The following SEMA3D variants were observed in gnomAD, a reference collection of about 807,000 sequenced individuals.
SEMA3D encodes the protein semaphorin-3D.
A neutral mutation model predicts 100.1 loss-of-function variants in SEMA3D; 84 were observed. That is an observed-to-expected ratio of 0.84 (90% CI 0.70 to 1.01). The LOEUF is 1.01. Ranked by LOEUF, SEMA3D falls within the 50% of genes least tolerant of loss-of-function variation. SEMA3D has a pLI of 0.00. For synonymous variants in SEMA3D, 312 were observed against 320.7 expected, an observed-to-expected ratio of 0.97 and a Z score of 0.29; for missense variants, 875 against 934.1, an observed-to-expected ratio of 0.94 and a Z score of 0.82.
intron 1 of SEMA3D, among the ~76,000 whole-genome samples, chr7:85,175,286 C>T (rs1276274437): frequency 6.6e-6 from 1 of 152,082 alleles, no homozygotes; most frequent in East Asian, 1.9e-4. Context: ...ACAAAAGAAG[C>T]CTTCTAAACA....
At chr7:85,227,295 A>G in the SEMA3D span, among the ~76,000 whole-genome samples, 1 of 152,146 alleles carries the variant, frequency 6.6e-6, no homozygotes, top group African/African-American at 2.4e-5. Flanking sequence ...CAAAATTTCT[A>G]TGTGGAAAGG....
chr7:85,236,376 C>T, the SEMA3D span, among the ~76,000 whole-genome samples: 7 of 151,092 alleles, frequency 4.6e-5, no homozygotes, highest in Admixed American at 2.0e-4. Flanking sequence ...GGCATGATCT[C>T]GGCTCACTGC....
intron 3 of SEMA3D, among the ~76,000 whole-genome samples, chr7:85,106,149 G>A (rs946851951): frequency 1.1e-4 from 16 of 151,914 alleles, no homozygotes; most frequent in Admixed American, 5.9e-4. Flanking sequence ...GCAATGTCAC[G>A]ATGGAATAAA....
In SEMA3D at chr7:85,121,853, G is replaced by T. The variant is rs753698972; in HGVS notation, c.39C>A (p.Ser13Arg). The T allele has an allele frequency of 2.0e-5, 32 of 1,600,780 alleles. No individual in the cohort carries two copies. The East Asian group carries it at 5.8e-4, about 29-fold the overall frequency. Residue 13 changes from serine (S) to arginine (R), a missense_variant, in exon 3 of 19, where the codon AGC (serine) becomes AGA (arginine). Physicochemically the swap from Ser to Arg is moderately radical, Grantham distance 110. Transcript: ENST00000284136. The part of the protein sequence containing the change: ...ANKDERLKAR[S>R]QDFHLFPALM... ...AAGCAGGAAAAAGGTGAAAATCTTGGCTTCTGGCTTTAAGTCTTTCATCTT... is the reference window on the plus strand; with the variant it reads ...AAGCAGGAAAAAGGTGAAAATCTTGTCTTCTGGCTTTAAGTCTTTCATCTT...
intron 12 of SEMA3D, among the ~76,000 whole-genome samples, chr7:85,033,635 C>T (rs990962946): frequency 1.1e-4 from 17 of 151,980 alleles, no homozygotes; most frequent in African/African-American, 4.1e-4. Flanking sequence ...TCTCAGCTTC[C>T]AATTCATTCT....
At chr7:85,066,913 C>CAGAGAGAGAGAGAGAG (rs201123647) in intron 7 of SEMA3D, among the ~76,000 whole-genome samples, 13 of 127,792 alleles carry the variant, frequency 1.0e-4, no homozygotes, top group East Asian at 7.1e-4. Flanking sequence ...CACACACACA[C>CAGAGAGAGAGAGAGAG]AGAGAGAGAG....
intron 5 of SEMA3D, among the ~76,000 whole-genome samples, chr7:85,075,822 A>C (rs1019236384): frequency 6.6e-6 from 1 of 152,240 alleles, no homozygotes; most frequent in African/African-American, 2.4e-5. Flanking sequence ...CCTGAGGTTG[A>C]CATTTAAGCC....
chr7:85,154,147 C>T (rs1790514545), intron 1 of SEMA3D, among the ~76,000 whole-genome samples: 1 of 151,866 alleles, frequency 6.6e-6, no homozygotes, highest in Non-Finnish European at 1.5e-5. Context: ...TTACTGCTTG[C>T]TTCTGCTTGC....
intron 1 of SEMA3D, among the ~76,000 whole-genome samples, chr7:85,173,148 G>C (rs1490667633): frequency 1.3e-5 from 2 of 151,948 alleles, no homozygotes; most frequent in Non-Finnish European, 2.9e-5. Context: ...AAGAGACAGA[G>C]AGAGAAAAGG....
rs1944360666 is a variant in SEMA3D at position 84,996,629 on chromosome 7, C to A, written c.*2811G>T. On this transcript the variant is annotated 3_prime_UTR_variant, in exon 19 of 19. Coordinates refer to ENST00000284136, the MANE Select transcript of SEMA3D (RefSeq NM_001384900.1). Reference sequence around the variant, plus strand: ...ACAATAAGTTGAATGTAAATGAATGCAGACATGCGGGATTCTATTTAGCAG... The same window carrying A: ...ACAATAAGTTGAATGTAAATGAATGAAGACATGCGGGATTCTATTTAGCAG... The A allele has an allele frequency of 6.6e-6, 1 of 152,330 alleles. No homozygotes were observed. The allele number at this position is 152,330 out of a possible 1,614,324, so 9.4% of individuals were successfully genotyped here. A position where few individuals can be genotyped will look rare whatever the true frequency, so the allele number is the denominator to read the frequency against.
intron 12 of SEMA3D, among the ~76,000 whole-genome samples, chr7:85,033,591 A>G (rs1790605292): frequency 6.6e-6 from 1 of 152,130 alleles, no homozygotes; most frequent in Non-Finnish European, 1.5e-5. Context: ...TACATATGCA[A>G]ATAATTTGTT....
the SEMA3D span, among the ~76,000 whole-genome samples, chr7:85,246,245 A>T: frequency 6.6e-6 from 1 of 152,110 alleles, no homozygotes; most frequent in African/African-American, 2.4e-5. Context: ...CTTTAAGCAC[A>T]GCAAAGATAA....
intron 1 of SEMA3D, among the ~76,000 whole-genome samples, chr7:85,162,301 C>T (rs1790769341): frequency 6.6e-6 from 1 of 152,032 alleles, no homozygotes; most frequent in Admixed American, 6.6e-5. Context: ...TAAGTCACAG[C>T]ATCAGTAAAC....
the SEMA3D span, among the ~76,000 whole-genome samples, chr7:85,225,050 T>TTATATA: frequency 1.2e-4 from 9 of 77,424 alleles, no homozygotes; most frequent in Admixed American, 1.5e-4. Flanking sequence ...TGATTTTCTT[T>TTATATA]TATATATATA....
intron 1 of SEMA3D, among the ~76,000 whole-genome samples, chr7:85,181,395 G>A (rs1039438589): frequency 1.3e-5 from 2 of 150,856 alleles, no homozygotes; most frequent in African/African-American, 2.4e-5. Context: ...AAAGACAGAG[G>A]AGCCAATTGA....
chr7:85,022,189 C>T (rs781509996), intron 13 of SEMA3D, among the ~76,000 whole-genome samples: 2 of 151,774 alleles, frequency 1.3e-5, no homozygotes, highest in African/African-American at 4.8e-5. Context: ...CTGTCAAATA[C>T]ATTTTGAAAT....
the SEMA3D span, among the ~76,000 whole-genome samples, chr7:85,207,642 T>C: frequency 6.6e-6 from 1 of 152,062 alleles, no homozygotes; most frequent in Admixed American, 6.6e-5. Flanking sequence ...TGTTGCCATA[T>C]ATCTAGATTG....
At chr7:85,124,452 G>C (rs1356631639) in intron 2 of SEMA3D, among the ~76,000 whole-genome samples, 2 of 151,522 alleles carry the variant, frequency 1.3e-5, no homozygotes, top group East Asian at 3.9e-4. Context: ...ATATCTAATC[G>C]CTGACCATTT....
At chr7:85,030,919 A>G (rs1003756015) in intron 12 of SEMA3D, among the ~76,000 whole-genome samples, 5 of 151,060 alleles carry the variant, frequency 3.3e-5, no homozygotes, top group Admixed American at 2.0e-4. Context: ...ACTTCTTATT[A>G]CCAAAACCTG....
Sources: allele counts gnomAD v4.1 joint callset (sites outside exome capture counted in the v4.1 genomes callset), GRCh38; gene constraint gnomAD v4.1.1; transcripts MANE v1.5; gene names NCBI Gene and HGNC (gene_info 2026-07-23, HGNC 2026-07-21).